Variants in SLCO5A1 observed in about 807,000 individuals in gnomAD.
SLCO5A1 encodes solute carrier organic anion transporter family member 5A1.
A neutral mutation model predicts 65.1 loss-of-function variants in SLCO5A1; 39 were observed. That is an observed-to-expected ratio of 0.60 (90% CI 0.46 to 0.78). The LOEUF (loss-of-function observed/expected upper bound fraction) is 0.78. Among genes scored for constraint, SLCO5A1 ranks in the 30% least tolerant of loss-of-function variants. SLCO5A1 has a pLI of 0.00. For synonymous variants in SLCO5A1, 438 were observed against 415.7 expected (o/e 1.05, Z -0.65); for missense variants, 1,029 against 1,069.4 (o/e 0.96, Z 0.53).
intron 4 of SLCO5A1, among the ~76,000 whole-genome samples, chr8:69,745,477 T>G (rs895459972): frequency 1.3e-5 from 2 of 152,174 alleles, no homozygotes; most frequent in Non-Finnish European, 2.9e-5. Context: ...TTATACAAAA[T>G]AGATAAGTTA....
intron 2 of SLCO5A1, among the ~76,000 whole-genome samples, chr8:69,805,942 C>T (rs1479081120): frequency 6.6e-6 from 1 of 152,220 alleles, no homozygotes; most frequent in Non-Finnish European, 1.5e-5. Context: ...ACTCTTGTTT[C>T]TCACTAGGAT....
chr8:69,737,893 A>G (rs1228296764), intron 5 of SLCO5A1, 147 bp downstream of exon 5: 3 of 752,704 alleles, frequency 4.0e-6, no homozygotes, highest in Admixed American at 7.2e-5. Flanking sequence ...ACTTTCCAGG[A>G]TTTCCTCCTC....
chr8:69,694,751 A>G (rs1814426630), intron 6 of SLCO5A1, among the ~76,000 whole-genome samples: 1 of 152,240 alleles, frequency 6.6e-6, no homozygotes. Context: ...AAAATTCTCC[A>G]TGGAAACTGA....
At chr8:69,687,137 T>C (rs961176195) in intron 6 of SLCO5A1, among the ~76,000 whole-genome samples, 2 of 152,112 alleles carry the variant, frequency 1.3e-5, no homozygotes, top group African/African-American at 4.8e-5. Context: ...ATTTTTCCTT[T>C]CAAAAAGGAT....
At chr8:69,805,050 T>C (rs1313600711) in intron 2 of SLCO5A1, among the ~76,000 whole-genome samples, 1 of 151,866 alleles carries the variant, frequency 6.6e-6, no homozygotes, top group Non-Finnish European at 1.5e-5. Context: ...GTTGGGGTGG[T>C]CCTACAGGCA....
chr8:69,731,523 C>T (rs1365587725), intron 5 of SLCO5A1, among the ~76,000 whole-genome samples: 2 of 152,212 alleles, frequency 1.3e-5, no homozygotes, highest in Non-Finnish European at 2.9e-5. Flanking sequence ...GAACCTGCCA[C>T]ATGGTAGACA....
chr8:69,680,823 G>A (rs1414836655), intron 7 of SLCO5A1, among the ~76,000 whole-genome samples: 1 of 152,096 alleles, frequency 6.6e-6, no homozygotes, highest in Non-Finnish European at 1.5e-5. Context: ...CAGCTCCATG[G>A]ATGTAACTTG....
rs546384452 is a variant in SLCO5A1 at position 69,667,851 on chromosome 8, C to T, written c.*5018G>A. On this transcript the variant is annotated 3_prime_UTR_variant, in exon 10 of 10. Transcript: ENST00000260126. ...TGAGTATTCCATAGAAAAGTATCCC[C>T]CCTTTCACGCTTCATTTTTGCAGCA... is the stretch of plus-strand genomic sequence containing the variant. The T allele has an allele frequency of 6.6e-5, 10 of 152,284 alleles. No individual in the cohort carries two copies. Among genetic ancestry groups the T allele is most frequent in the Non-Finnish European group, 8.8e-5 (6 of 68,022 alleles). 9.4% of individuals were successfully genotyped at this position (152,284 alleles called of 1,614,324 possible).
At position 69,830,689 on chromosome 8, in the gene SLCO5A1, A is replaced by G. The variant is rs1476024838; in HGVS notation, c.907+1078T>C. On this transcript the variant is annotated intron_variant, in intron 2 of 9. Coordinates refer to ENST00000260126, the MANE Select transcript of SLCO5A1 (RefSeq NM_030958.3). ...GTGCTAACAACCTCAAATTTCTAGG[A>G]TGTAAATTTTCATACCCTCTGCAAC... Among the ~76,000 whole-genome samples, 4 of 152,288 alleles carry G rather than the reference A, an allele frequency of 2.6e-5. No homozygotes were observed. The South Asian group carries it at 6.2e-4, about 24-fold the overall frequency.
At chr8:69,743,176 C>T (rs188691342) in intron 4 of SLCO5A1, among the ~76,000 whole-genome samples, 37 of 152,082 alleles carry the variant, frequency 2.4e-4, no homozygotes, top group Non-Finnish European at 4.1e-4. Flanking sequence ...GGGCAGAGGC[C>T]GTAATTTATT....
At chr8:69,687,349 T>A (rs1027693895) in intron 6 of SLCO5A1, among the ~76,000 whole-genome samples, 2 of 152,168 alleles carry the variant, frequency 1.3e-5, no homozygotes, top group Admixed American at 6.6e-5. Context: ...TGTGCTAGCA[T>A]AGGTTTAGAA....
At chr8:69,766,384 C>G (rs1306667924) in intron 2 of SLCO5A1, among the ~76,000 whole-genome samples, 2 of 152,188 alleles carry the variant, frequency 1.3e-5, no homozygotes, top group African/African-American at 4.8e-5. Flanking sequence ...TTTGTCTCCC[C>G]ACTTCATCTC....
chr8:69,690,155 C>T lies in SLCO5A1; in HGVS notation c.1623-7812G>A, dbSNP rs566170734. On this transcript the variant is annotated intron_variant, in intron 6 of 9. Transcript: ENST00000260126. The stretch of plus-strand genomic sequence containing the variant: ...CAGGGTCTTCTTTCCCCGCTGATTC[C>T]GCCAAGCCCGTTCCCTTGGCTGTGG... Among the ~76,000 whole-genome samples the T allele has an allele frequency of 1.7e-3, 259 of 152,222 alleles. 1 individual carries two copies. Among genetic ancestry groups the T allele is most frequent in the Non-Finnish European group, 2.5e-3 (171 of 67,996 alleles).
chr8:69,832,844 T>A lies in SLCO5A1; in HGVS notation c.-171A>T, dbSNP rs1368406763. 1 of 712,616 alleles carries A rather than the reference T, an allele frequency of 1.4e-6. No homozygotes were observed. Among genetic ancestry groups the A allele is most frequent in the Admixed American group, 3.0e-5 (1 of 32,820 alleles). The allele number at this position is 712,616 out of a possible 1,614,324, so 44.1% of individuals were successfully genotyped here. A position where few individuals can be genotyped will look rare whatever the true frequency, so the allele number is the denominator to read the frequency against. Reference sequence around the variant, plus strand: ...TCCTCACCAGCTGCGAGGCGCCCAGTGCATCCTGATCACAGACACGGCTTC... The same window carrying A: ...TCCTCACCAGCTGCGAGGCGCCCAGAGCATCCTGATCACAGACACGGCTTC... On this transcript the variant is annotated 5_prime_UTR_variant, in exon 2 of 10. Transcript: ENST00000260126. This position sits in a 1 kb window ranked among gnomAD's most constrained non-coding sequence, Gnocchi z 4.5.
intron 6 of SLCO5A1, among the ~76,000 whole-genome samples, chr8:69,704,164 A>T (rs1349306699): frequency 6.6e-6 from 1 of 152,154 alleles, no homozygotes; most frequent in Non-Finnish European, 1.5e-5. Flanking sequence ...GCCTCCCCCA[A>T]GTGCTGGGGT....
At chr8:69,770,207 A>T (rs952511181) in intron 2 of SLCO5A1, among the ~76,000 whole-genome samples, 7 of 152,286 alleles carry the variant, frequency 4.6e-5, no homozygotes, top group African/African-American at 1.7e-4. Flanking sequence ...TCCCCTATGG[A>T]CGCCAGCTTT....
In SLCO5A1 at chr8:69,796,670, T is replaced by C. The variant is rs561464608; in HGVS notation, c.908-34795A>G. Among the ~76,000 whole-genome samples, 11 of 151,494 alleles carry C rather than the reference T, an allele frequency of 7.3e-5. No homozygotes were observed. The South Asian group carries it at 8.3e-4, about 11-fold the overall frequency. ...CACACATATATACATGTATATATAT[T>C]ATATATGTATATATACGTGTGTATG... On this transcript the variant is annotated intron_variant, in intron 2 of 9. Transcript: ENST00000260126.
intron 2 of SLCO5A1, among the ~76,000 whole-genome samples, chr8:69,809,859 C>T (rs1392421250): frequency 2.0e-5 from 3 of 151,960 alleles, no homozygotes; most frequent in East Asian, 1.9e-4. Flanking sequence ...TCCTGGAGAT[C>T]GGTAGCATCA....
intron 5 of SLCO5A1, among the ~76,000 whole-genome samples, chr8:69,725,594 A>T (rs1441360366): frequency 6.6e-6 from 1 of 152,210 alleles, no homozygotes; most frequent in African/African-American, 2.4e-5. Flanking sequence ...GCTATTCATA[A>T]AAATCAGAGG....
Sources: allele counts gnomAD v4.1 joint callset (sites outside exome capture counted in the v4.1 genomes callset), GRCh38; gene constraint gnomAD v4.1.1; non-coding constraint Gnocchi (gnomAD v3.1); transcripts MANE v1.5; gene names NCBI Gene and HGNC (gene_info 2026-07-23, HGNC 2026-07-21).